Variants in SIGLEC10 observed in about 807,000 individuals in gnomAD.
SIGLEC10 encodes the protein sialic acid binding Ig like lectin 10, also known as sialic acid-binding Ig-like lectin 10.
SIGLEC10 carries 45 observed loss-of-function variants against 68.3 expected under a neutral mutation model. That is an observed-to-expected ratio of 0.66 (90% confidence interval 0.52 to 0.84). The LOEUF is 0.84. Among genes scored for constraint, SIGLEC10 ranks in the 40% least tolerant of loss-of-function variants. The pLI is 0.00. For missense variants in SIGLEC10, 789 were observed against 883.1 expected (o/e 0.89, Z 1.35); for synonymous variants, 379 against 370.8 (o/e 1.02, Z -0.26).
Position 51,417,182 on chromosome 19 carries a change from G to A in SIGLEC10, c.321C>T (p.Asp107=), listed in dbSNP as rs367899298. 1.4e-4 allele frequency: 222 copies of A among 1,614,186 alleles called. 1 individual carries two copies. Among genetic ancestry groups the A allele is most frequent in the South Asian group, 9.9e-4 (90 of 91,086 alleles). ...AKGNCSLVIR[D]AQMQDESQYF... ...ACTGTGACTCATCCTGCATCTGCGC[G>A]TCTCTGATCACCAAGGAGCAGTTCC... Residue 107 remains aspartate (D), a synonymous_variant, in exon 2 of 11, where the codon GAC becomes GAT. Transcript: ENST00000339313.
Position 51,415,041 on chromosome 19 carries a change from G to T in SIGLEC10, c.1398C>A (p.Ser466=), listed in dbSNP as rs1346060051. The T allele has an allele frequency of 2.5e-6, 4 of 1,605,072 alleles. No individual in the cohort carries two copies. The highest frequency in any genetic ancestry group is 3.4e-6 in the Non-Finnish European group (4 of 1,176,944). The stretch of plus-strand genomic sequence containing the variant: ...GCAGAGAGGGGGCCGGGCTGGCCTG[G>T]GAGGAGCAGCTGCAGTGCAGACCCT... The part of the protein sequence containing the change: ...EAEGLHCSCS[S]QASPAPSLRW... The change falls in exon 8 of 11, where the codon TCC becomes TCA. Residue 466 remains serine (S), a synonymous_variant. Transcript: ENST00000339313.
Position 51,416,524 on chromosome 19 carries a change from G to A in SIGLEC10, c.706+142C>T, listed in dbSNP as rs778449132. ...ACGCCATTCCCATCCCCCTCCCAGG[G>A]CTGCGGCGGCATCCTGGGACCCCAC... On this transcript the variant is annotated intron_variant, in intron 3 of 10. Coordinates refer to ENST00000339313, the MANE Select transcript of SIGLEC10 (RefSeq NM_033130.5). 4.0e-5 allele frequency: 63 copies of A among 1,570,614 alleles called. 1 individual carries two copies. The South Asian group carries it at 6.9e-4, about 17-fold the overall frequency.
intron 10 of SIGLEC10, among the ~76,000 whole-genome samples, chr19:51,411,864 C>T (rs546223170): frequency 3.5e-4 from 53 of 150,840 alleles, no homozygotes; most frequent in African/African-American, 1.2e-3. Context: ...AATTGATAGC[C>T]GGGTACGGTG....
In SIGLEC10 at chr19:51,417,262, C is replaced by T. The variant is rs145575844; in HGVS notation, c.241G>A (p.Glu81Lys). Reference sequence around the variant, plus strand: ...CGGCCCCGGGTGCTCATTTCCACCTCTCGACTCTGGTGGTTTGTGGCCACA... The same window carrying T: ...CGGCCCCGGGTGCTCATTTCCACCTTTCGACTCTGGTGGTTTGTGGCCACA... Reference protein sequence around the residue: ...APVATNHQSREVEMSTRGRFQ... With the variant: ...APVATNHQSRKVEMSTRGRFQ... Residue 81 changes from glutamate (E) to lysine (K), a missense_variant, in exon 2 of 11, where the codon GAG becomes AAG. By Grantham distance (56) the Glu-to-Lys change is moderately conservative. Coordinates refer to ENST00000339313, the MANE Select transcript of SIGLEC10 (RefSeq NM_033130.5). The T allele has an allele frequency of 1.2e-6, 2 of 1,614,128 alleles. No individual in the cohort carries two copies. Among genetic ancestry groups the T allele is most frequent in the Non-Finnish European group, 1.7e-6 (2 of 1,180,050 alleles).
chr19:51,413,265 G>T (rs1465500069), intron 10 of SIGLEC10, among the ~76,000 whole-genome samples: 1 of 152,134 alleles, frequency 6.6e-6, no homozygotes, highest in Non-Finnish European at 1.5e-5. Context: ...TACAGCTAAA[G>T]AAATTGAGGC....
chr19:51,412,721 C>A (rs1446869394), intron 10 of SIGLEC10, among the ~76,000 whole-genome samples: 1 of 151,928 alleles, frequency 6.6e-6, no homozygotes, highest in East Asian at 1.9e-4. Context: ...GGCGATCCAC[C>A]CACCTCGGCC....
chr19:51,415,208 G>T lies in SIGLEC10; in HGVS notation c.1303C>A (p.His435Asn). Residue 435 changes from histidine (H) to asparagine (N), a missense_variant, in exon 7 of 11, where the codon CAC becomes AAC. Physicochemically the swap from His to Asn is moderately conservative, Grantham distance 68 (BLOSUM62 1). Coordinates refer to ENST00000339313, the MANE Select transcript of SIGLEC10 (RefSeq NM_033130.5). Reference protein sequence around the residue: ...CHARHPLGSQHVSLSLSVHYS... With the variant: ...CHARHPLGSQNVSLSLSVHYS... ...TGCACGGAGAGGCTGAGAGAGACGT[G>T]CTGGGAGCCCAGTGGGTGCCGAGCG... The T allele has an allele frequency of 6.2e-7, 1 of 1,611,344 alleles. No individual in the cohort carries two copies. Among genetic ancestry groups the T allele is most frequent in the Admixed American group, 1.7e-5 (1 of 59,830 alleles).
rs1194509386 is a variant in SIGLEC10 at position 51,415,451 on chromosome 19, G to T, written c.1073-13C>A. 2 of 1,608,068 alleles carry T rather than the reference G, an allele frequency of 1.2e-6. No individual in the cohort carries two copies. Among genetic ancestry groups the T allele is most frequent in the African/African-American group, 2.7e-5 (2 of 74,674 alleles). On this transcript the variant is annotated splice_polypyrimidine_tract_variant and intron_variant, in intron 6 of 10. Transcript: ENST00000339313. Reference sequence around the variant, plus strand: ...AGGTTTTCCAGGACTAGGGAAGGAAGAGGCAGAATCGATGAGCAGCTCAGG... The same window carrying T: ...AGGTTTTCCAGGACTAGGGAAGGAATAGGCAGAATCGATGAGCAGCTCAGG...
chr19:51,414,890 G>A lies in SIGLEC10; in HGVS notation c.1549C>T (p.Leu517Phe). ...TTCCAGGCCTCACAGCGGAGCCTGA[G>A]GCCGGAGCTGAGCCCTCCATGGAGG... ...LSLHGGLSSG[L>F]RLRCEAWNVH... The change falls in exon 8 of 11, where the codon CTC becomes TTC. Residue 517 changes from leucine to phenylalanine, a missense_variant. Leu to Phe is a conservative substitution (Grantham distance 22). Transcript: ENST00000339313. The surrounding 1 kb of genome is among the most constrained non-coding windows in gnomAD (Gnocchi z 4.1). 3 of 1,614,128 alleles carry A rather than the reference G, an allele frequency of 1.9e-6. No homozygotes were observed. The South Asian group carries it at 3.3e-5, about 18-fold the overall frequency.
chr19:51,413,937 G>A (rs751069889), intron 9 of SIGLEC10, 114 bp from the exon 10 acceptor site: 8 of 748,728 alleles, frequency 1.1e-5, no homozygotes, highest in Non-Finnish European at 1.6e-5. Flanking sequence ...ACTTGAGACC[G>A]TCATTATGAG....
chr19:51,415,752 A>G, intron 5 of SIGLEC10, 137 bp from the exon 6 acceptor site: 2 of 1,571,982 alleles, frequency 1.3e-6, no homozygotes, highest in Non-Finnish European at 1.7e-6. Context: ...AGTCCCAGAC[A>G]CAAACTGCAT....
At chr19:51,413,852 C>T (rs751776750) in intron 9 of SIGLEC10, 29 bp from the exon 10 acceptor site, 28 of 1,568,412 alleles carry the variant, frequency 1.8e-5, no homozygotes, top group Middle Eastern at 3.3e-4. Context: ...CTGTTTGTGC[C>T]CTGCTGCACC....
Position 51,414,568 on chromosome 19 carries a change from A to C in SIGLEC10, c.1616-53T>G. On this transcript the variant is annotated intron_variant, in intron 8 of 10. Transcript: ENST00000339313. The surrounding 1 kb of genome is among the most constrained non-coding windows in gnomAD (Gnocchi z 4.1). ...TTTCCCATCCACGCAGGGCTCACGA[A>C]GCCCGCTCATCACTCGGCATTAAGG... 1 of 1,555,938 alleles carries C rather than the reference A, an allele frequency of 6.4e-7. No individual in the cohort carries two copies. The highest frequency in any genetic ancestry group is 1.1e-5 in the South Asian group (1 of 88,828).
At position 51,416,688 on chromosome 19, in the gene SIGLEC10, C is replaced by G. The variant is rs1180538176; in HGVS notation, c.684G>C (p.Arg228Ser). Residue 228 changes from arginine to serine, a missense_variant, in exon 3 of 11, where the codon AGG (arginine) becomes AGC (serine). Coordinates refer to ENST00000339313, the MANE Select transcript of SIGLEC10 (RefSeq NM_033130.5). ...CACAGGCCACACGGAGTCGGACGGT[C>G]CTCTGTGCGCTCACACCCTTTCTGG... is the stretch of plus-strand genomic sequence containing the variant. ...DFSRKGVSAQ[R>S]TVRLRVAYAP... 4 of 1,613,870 alleles carry G rather than the reference C, an allele frequency of 2.5e-6. No homozygotes were observed. The highest frequency in any genetic ancestry group is 3.4e-6 in the Non-Finnish European group (4 of 1,180,006).
rs557862696 is a variant in SIGLEC10 at position 51,417,488 on chromosome 19, C to T, written c.38-23G>A. The T allele has an allele frequency of 1.3e-5, 21 of 1,613,774 alleles. No homozygotes were observed. In the Admixed American group the frequency reaches 1.5e-4, roughly 12 times the overall value. Reference sequence around the variant, plus strand: ...ACCCTGTGGGGAGACAGAGGCTCAACCTGCAACCCCAGCCCTAGCTCCGCC... The same window carrying T: ...ACCCTGTGGGGAGACAGAGGCTCAATCTGCAACCCCAGCCCTAGCTCCGCC... On this transcript the variant is annotated intron_variant, in intron 1 of 10. Coordinates refer to ENST00000339313, the MANE Select transcript of SIGLEC10 (RefSeq NM_033130.5).
In SIGLEC10 at chr19:51,414,721, G is replaced by A; in HGVS notation, c.1615+103C>T. ...TCCTGTCTACATACAGATGCCACGG[G>A]TCTGCTGTGTCCCTCCAAGCTCCTG... On this transcript the variant is annotated intron_variant, in intron 8 of 10. Transcript: ENST00000339313. The surrounding 1 kb of genome is among the most constrained non-coding windows in gnomAD (Gnocchi z 4.1). The A allele has an allele frequency of 6.5e-7, 1 of 1,545,776 alleles. No homozygotes were observed. Among genetic ancestry groups the A allele is most frequent in the South Asian group, 1.1e-5 (1 of 86,988 alleles).
intron 10 of SIGLEC10, 87 bp from the exon 11 acceptor site, chr19:51,411,458 A>G (rs1599884563): frequency 6.6e-7 from 1 of 1,509,970 alleles, no homozygotes; most frequent in Non-Finnish European, 9.0e-7. Flanking sequence ...TACAGCACAG[A>G]GTGAAACTAA....
rs78813245 is a variant in SIGLEC10, at chr19:51,413,748, C to A, written c.1785G>T (p.Leu595=). 1.5e-3 allele frequency: 2,455 copies of A among 1,614,154 alleles called. 32 individuals are homozygous for A. In the East Asian group the frequency reaches 0.021, roughly 14 times the overall value. The change falls in exon 10 of 11, where the codon CTG becomes CTT. Residue 595 remains leucine (L), a synonymous_variant. Coordinates refer to ENST00000339313, the MANE Select transcript of SIGLEC10 (RefSeq NM_033130.5). ...RPRFSRHSTI[L]DYINVVPTAG... ...CCGTCGGGACCACATTGATGTAATC[C>A]AGGATCGTGCTGTGCCGGGAGAACC... is the stretch of plus-strand genomic sequence containing the variant.
intron 2 of SIGLEC10, 57 bp from the exon 3 acceptor site, chr19:51,417,007 C>T (rs1450812258): frequency 2.5e-6 from 4 of 1,593,410 alleles, no homozygotes; most frequent in Non-Finnish European, 3.4e-6. Flanking sequence ...TGAGAGCCCT[C>T]TCTGCTCAGC....
Sources: allele counts gnomAD v4.1 joint callset (sites outside exome capture counted in the v4.1 genomes callset), GRCh38; gene constraint gnomAD v4.1.1; non-coding constraint Gnocchi (gnomAD v3.1); transcripts MANE v1.5; gene names NCBI Gene and HGNC (gene_info 2026-07-23, HGNC 2026-07-21).